The following EP300 variants were observed in gnomAD, a reference collection of about 807,000 sequenced individuals.
The protein encoded by EP300 is EP300 lysine acetyltransferase, also known as histone acetyltransferase p300.
In EP300, 31 loss-of-function variants were observed where a neutral mutation model predicts 264.0. The ratio of observed to expected loss-of-function variants is 0.12; its 90% CI spans 0.09 to 0.16. The LOEUF (loss-of-function observed/expected upper bound fraction) is 0.16. Among genes scored for constraint, EP300 ranks in the 10% least tolerant of loss-of-function variants. The pLI is 1.00. For missense variants in EP300, 2,766 were observed against 3,052.9 expected (o/e 0.91, Z 2.21); for synonymous variants, 1,340 against 1,045.4 (o/e 1.28, Z -5.44).
At position 41,152,603 on chromosome 22, in the gene EP300, C is replaced by G. The variant is rs2059053160; in HGVS notation, c.3142+253C>G. ...TCAGGGTTCCCTGTGTTAGTACACCCTAAAAATTGTCTCATTTTTCAGGAG... is the reference window on the plus strand; with the variant it reads ...TCAGGGTTCCCTGTGTTAGTACACCGTAAAAATTGTCTCATTTTTCAGGAG... On this transcript the variant is annotated intron_variant, in intron 16 of 30. Coordinates refer to ENST00000263253, the MANE Select transcript of EP300 (RefSeq NM_001429.4). Among the ~76,000 whole-genome samples, 3 of 151,834 alleles carry G rather than the reference C, an allele frequency of 2.0e-5. No homozygotes were observed. In the South Asian group the frequency reaches 6.2e-4, roughly 32 times the overall value.
At chr22:41,098,404 CTCTG>C (rs1404093701) in intron 1 of EP300, among the ~76,000 whole-genome samples, 1 of 152,224 alleles carries the variant, frequency 6.6e-6, no homozygotes, top group Admixed American at 6.5e-5. Context: ...CGGAGTCTCG[CTCTG>C]TCGCCCAGGC....
intron 10 of EP300, among the ~76,000 whole-genome samples, chr22:41,146,165 A>ATTT (rs130087): frequency 1.4e-4 from 19 of 139,092 alleles, no homozygotes; most frequent in Admixed American, 4.4e-4. Flanking sequence ...GATGGCCTCA[A>ATTT]TTTTTTTTTT....
In EP300 at chr22:41,176,236, C is replaced by T. The variant is rs1430585057; in HGVS notation, c.4780-11C>T. On this transcript the variant is annotated splice_polypyrimidine_tract_variant and intron_variant, in intron 29 of 30. Coordinates refer to ENST00000263253, the MANE Select transcript of EP300 (RefSeq NM_001429.4). ...CCCTGTCTCAAAAAAAAGAGACTGT[C>T]TGTTTTTCAGGTCTTCTTTGTGATC... The T allele has an allele frequency of 3.1e-6, 5 of 1,613,986 alleles. No homozygotes were observed. Among genetic ancestry groups the T allele is most frequent in the East Asian group, 2.2e-5 (1 of 44,900 alleles).
At chr22:41,101,695 G>A (rs576807747) in intron 1 of EP300, among the ~76,000 whole-genome samples, 1 of 152,232 alleles carries the variant, frequency 6.6e-6, no homozygotes, top group South Asian at 2.1e-4. Context: ...ACAGGGGTAA[G>A]CCACCGTGCC....
At chr22:41,134,127 A>G (rs763595547) in intron 6 of EP300, among the ~76,000 whole-genome samples, 5 of 82,726 alleles carry the variant, frequency 6.0e-5, no homozygotes, top group Non-Finnish European at 1.1e-4. Flanking sequence ...CCCTGTTGTT[A>G]TTGTTTATTA....
intron 28 of EP300, 33 bp downstream of exon 28, chr22:41,172,696 T>C (rs867701867): frequency 1.3e-6 from 2 of 1,598,504 alleles, no homozygotes; most frequent in African/African-American, 1.3e-5. Context: ...GAAACTTCTA[T>C]CATGATTCTA....
intron 20 of EP300, among the ~76,000 whole-genome samples, chr22:41,161,440 G>A (rs998857151): frequency 2.4e-4 from 36 of 152,062 alleles, no homozygotes; most frequent in East Asian, 9.7e-4. Context: ...ACACGGTGAA[G>A]CCCTGTCTCT....
rs769614969 is a variant in EP300 at position 41,093,115 on chromosome 22, C to CCT, written c.94+18_94+19insTC. On this transcript the variant is annotated intron_variant, in intron 1 of 30. Transcript: ENST00000263253. ...ATGGCACAGGTTAGTTTCGGCAGCCCCGGCCTTCCACGTTCCCTTTAATCT... is the reference window on the plus strand; with the variant it reads ...ATGGCACAGGTTAGTTTCGGCAGCCCCTCGGCCTTCCACGTTCCCTTTAATCT... The CCT allele has an allele frequency of 2.6e-5, 42 of 1,613,192 alleles. No individual in the cohort carries two copies. The highest frequency in any genetic ancestry group is 1.0e-4 in the Admixed American group (6 of 60,000).
At chr22:41,118,922 T>C (rs930928880) in intron 2 of EP300, among the ~76,000 whole-genome samples, 11 of 151,998 alleles carry the variant, frequency 7.2e-5, no homozygotes, top group African/African-American at 2.6e-4. Context: ...AATTTTTTTT[T>C]GCTGCGAGAA....
At position 41,134,163 on chromosome 22, in the gene EP300, CTTTTT is replaced by C. The variant is rs11362436; in HGVS notation, c.1529-1636_1529-1632del. Among the ~76,000 whole-genome samples the C allele has an allele frequency of 5.7e-5, 6 of 105,588 alleles. No individual in the cohort carries two copies. The South Asian group carries it at 1.2e-3, about 22-fold the overall frequency. 69.3% of individuals were successfully genotyped at this position (105,588 alleles called of 152,430 possible). A position where few individuals can be genotyped will look rare whatever the true frequency, so the allele number is the denominator to read the frequency against. ...CTTGGTCTGTTGATTTCATTCTTTT[CTTTTT>C]TTTTTTTTTTTTTCTGATTTCATTC... On this transcript the variant is annotated intron_variant, in intron 6 of 30. Transcript: ENST00000263253.
chr22:41,100,914 A>T (rs922929309), intron 1 of EP300, among the ~76,000 whole-genome samples: 1 of 152,132 alleles, frequency 6.6e-6, no homozygotes, highest in Non-Finnish European at 1.5e-5. Flanking sequence ...CATGTCACGT[A>T]TACAAGACAT....
intron 1 of EP300, among the ~76,000 whole-genome samples, chr22:41,113,656 C>A (rs996192908): frequency 6.6e-6 from 1 of 152,140 alleles, no homozygotes; most frequent in East Asian, 1.9e-4. Context: ...ATGCCATTCT[C>A]CTGCCTCAGC....
At chr22:41,114,598 A>G (rs1036378041) in intron 1 of EP300, among the ~76,000 whole-genome samples, 9 of 152,222 alleles carry the variant, frequency 5.9e-5, no homozygotes, top group African/African-American at 1.2e-4. Context: ...CTTAGTTCAT[A>G]TATGACCACA....
intron 1 of EP300, among the ~76,000 whole-genome samples, chr22:41,109,830 C>G (rs114038371): frequency 0.018 from 2,727 of 151,760 alleles, 74 homozygotes; most frequent in African/African-American, 0.063. Flanking sequence ...CCACCACCCC[C>G]CAAGATGTAG....
chr22:41,137,356 CAAAA>C (rs35403189), intron 7 of EP300, among the ~76,000 whole-genome samples: 39 of 92,898 alleles, frequency 4.2e-4, no homozygotes, highest in Non-Finnish European at 6.5e-4. Flanking sequence ...GACTTTGTCT[CAAAA>C]AAAAAAAAAA....
In EP300 at chr22:41,169,644, T is replaced by C. The variant is rs548390875; in HGVS notation, c.4286+28T>C. ...AAGCATATTTTGATAATGGCTTTTT[T>C]TCTTTAACTAGCATGGCATTCTGGT... On this transcript the variant is annotated intron_variant, in intron 26 of 30. Coordinates refer to ENST00000263253, the MANE Select transcript of EP300 (RefSeq NM_001429.4). The C allele has an allele frequency of 2.8e-5, 36 of 1,309,046 alleles. 1 individual carries two copies. The South Asian group carries it at 3.9e-4, about 14-fold the overall frequency. The allele number at this position is 1,309,046 out of a possible 1,614,324, so 81.1% of individuals were successfully genotyped here.
intron 1 of EP300, among the ~76,000 whole-genome samples, chr22:41,115,575 G>T (rs1235691283): frequency 6.6e-6 from 1 of 152,136 alleles, no homozygotes; most frequent in African/African-American, 2.4e-5. Context: ...TAGGAGTATA[G>T]CCTAGTGCCA....
chr22:41,176,184 C>T (rs2145511672), intron 29 of EP300, 63 bp from the exon 30 acceptor site: 6 of 1,594,504 alleles, frequency 3.8e-6, no homozygotes, highest in Non-Finnish European at 5.1e-6. Context: ...CACGCCACTG[C>T]ATTCCAGCCT....
At chr22:41,093,791 G>A (rs995557990) in intron 1 of EP300, among the ~76,000 whole-genome samples, 6 of 152,214 alleles carry the variant, frequency 3.9e-5, no homozygotes, top group African/African-American at 1.4e-4. Flanking sequence ...GAGAACAGGG[G>A]CATGTTCTTT....
Sources: gnomAD v4.1 joint callset for allele counts (sites outside exome capture counted in the v4.1 genomes callset) on GRCh38, gnomAD v4.1.1 for gene constraint, MANE v1.5 for transcripts, NCBI Gene and HGNC (gene_info 2026-07-23, HGNC 2026-07-21) for gene names.